TBC1D9: variants seen among roughly 807,000 people sequenced by gnomAD.
TBC1D9 encodes the protein TBC1 domain family member 9.
TBC1D9 carries 63 observed loss-of-function variants against 132.0 expected under a neutral mutation model. That is an observed-to-expected ratio of 0.48 (90% CI 0.39 to 0.59). TBC1D9 has a LOEUF of 0.59. TBC1D9 is among the 20% of genes least tolerant of loss of function. The probability of loss-of-function intolerance (pLI) is 0.00; values close to 1 mark genes in which losing one functional copy is unlikely to be tolerated. For synonymous variants in TBC1D9, 610 were observed against 609.9 expected (o/e 1.00, Z 0.00); for missense variants, 1,261 against 1,592.7 (o/e 0.79, Z 3.54).
intron 3 of TBC1D9, 30 bp downstream of exon 3, chr4:140,686,314 A>G: frequency 8.0e-7 from 1 of 1,251,154 alleles, no homozygotes; most frequent in South Asian, 1.3e-5. Flanking sequence ...AATTATTTCC[A>G]ATTAAAATGT....
At chr4:140,633,912 C>A in intron 16 of TBC1D9, 36 bp downstream of exon 16, 1 of 1,608,752 alleles carries the variant, frequency 6.2e-7, no homozygotes, top group South Asian at 1.1e-5. Flanking sequence ...ACTCCAGCAT[C>A]CCATCCCAAC....
chr4:140,658,231 A>C (rs747695361), intron 11 of TBC1D9, among the ~76,000 whole-genome samples: 4 of 152,204 alleles, frequency 2.6e-5, no homozygotes, highest in Non-Finnish European at 4.4e-5. Flanking sequence ...TCATGTGAAC[A>C]TCTTTGAGAG....
chr4:140,691,585 C>T (rs960165518), intron 2 of TBC1D9, among the ~76,000 whole-genome samples: 4 of 152,108 alleles, frequency 2.6e-5, no homozygotes, highest in Non-Finnish European at 4.4e-5. Flanking sequence ...CAAGCTGACC[C>T]GATTGTGTAA....
intron 1 of TBC1D9, among the ~76,000 whole-genome samples, chr4:140,707,815 C>T (rs970319365): frequency 1.3e-5 from 2 of 152,092 alleles, no homozygotes; most frequent in African/African-American, 4.8e-5. Flanking sequence ...GTCAAGGTCA[C>T]CTAATGCATG....
chr4:140,642,957 T>A, intron 13 of TBC1D9: 1 of 643,856 alleles, frequency 1.6e-6, no homozygotes, highest in South Asian at 2.0e-5. Flanking sequence ...CTTCTCCTTG[T>A]ACTGGTGCTG....
chr4:140,656,457 T>G (rs1737273712), intron 13 of TBC1D9, among the ~76,000 whole-genome samples: 1 of 152,164 alleles, frequency 6.6e-6, no homozygotes, highest in Non-Finnish European at 1.5e-5. Context: ...CTCATAATCT[T>G]CCTGCGCCCA....
intron 1 of TBC1D9, among the ~76,000 whole-genome samples, chr4:140,748,920 T>C (rs1738880111): frequency 6.6e-6 from 1 of 152,128 alleles, no homozygotes; most frequent in Non-Finnish European, 1.5e-5. Context: ...ACTTTAAAAA[T>C]AGTAATAACT....
At chr4:140,726,322 A>G (rs752537624) in intron 1 of TBC1D9, among the ~76,000 whole-genome samples, 4 of 152,298 alleles carry the variant, frequency 2.6e-5, no homozygotes, top group Middle Eastern at 3.4e-3. Flanking sequence ...TTTAAAAAGT[A>G]TATTTGTGCC....
At chr4:140,661,847 G>C in intron 10 of TBC1D9, 46 bp downstream of exon 10, 1 of 1,492,832 alleles carries the variant, frequency 6.7e-7, no homozygotes, top group Non-Finnish European at 9.2e-7. Flanking sequence ...CAAATGAATA[G>C]AAATTTTATT....
intron 1 of TBC1D9, among the ~76,000 whole-genome samples, chr4:140,746,774 T>C (rs745526388): frequency 8.5e-5 from 13 of 152,210 alleles, no homozygotes; most frequent in Non-Finnish European, 1.6e-4. Flanking sequence ...GATTCAATTA[T>C]TTCCACTGGG....
intron 1 of TBC1D9, among the ~76,000 whole-genome samples, chr4:140,749,449 G>A (rs1189965154): frequency 6.6e-6 from 1 of 152,060 alleles, no homozygotes; most frequent in Non-Finnish European, 1.5e-5. Flanking sequence ...CTTAATAAAA[G>A]AGCAGATTTA....
chr4:140,649,074 G>A (rs1737147411), intron 13 of TBC1D9, among the ~76,000 whole-genome samples: 1 of 152,190 alleles, frequency 6.6e-6, no homozygotes, highest in South Asian at 2.1e-4. Context: ...CTGACCACAA[G>A]GTCAAGCTCA....
rs1183340015 is a variant in TBC1D9, at chr4:140,641,949, A to G, written c.2338-2521T>C. On this transcript the variant is annotated intron_variant, in intron 13 of 20. Coordinates refer to ENST00000442267, the MANE Select transcript of TBC1D9 (RefSeq NM_015130.3). ...CACAGAAAGTATTTTGTGTTTGGAGATAGTAACCTTAGTCAAATGAATCTT... is the reference window on the plus strand; with the variant it reads ...CACAGAAAGTATTTTGTGTTTGGAGGTAGTAACCTTAGTCAAATGAATCTT... The G allele has an allele frequency of 7.8e-6, 4 of 514,268 alleles. No individual in the cohort carries two copies. In the East Asian group the frequency reaches 1.0e-4, roughly 13 times the overall value. The allele number at this position is 514,268 out of a possible 1,614,324, so 31.9% of individuals were successfully genotyped here. A position where few individuals can be genotyped will look rare whatever the true frequency, so the allele number is the denominator to read the frequency against.
chr4:140,679,484 A>G, intron 4 of TBC1D9, 131 bp downstream of exon 4: 1 of 709,778 alleles, frequency 1.4e-6, no homozygotes, highest in Non-Finnish European at 2.3e-6. Flanking sequence ...TCACTTCAGT[A>G]GTAAAAAAAA....
At chr4:140,738,434 C>T (rs1364690206) in intron 1 of TBC1D9, among the ~76,000 whole-genome samples, 1 of 152,072 alleles carries the variant, frequency 6.6e-6, no homozygotes, top group Non-Finnish European at 1.5e-5. Flanking sequence ...TAACCACTTG[C>T]TTCATTGCCT....
chr4:140,646,095 G>A (rs1457062035), intron 13 of TBC1D9, among the ~76,000 whole-genome samples: 1 of 152,206 alleles, frequency 6.6e-6, no homozygotes, highest in East Asian at 1.9e-4. Flanking sequence ...GCCGAGGACA[G>A]TGCTGATTCA....
rs188888953 is a variant in TBC1D9, at chr4:140,726,366, T to C, written c.131-24752A>G. ...ATACATTCTTTGTTGAGAACACTAA[T>C]AAATTATTAACCTCAAGAATTAGGG... On this transcript the variant is annotated intron_variant, in intron 1 of 20. Coordinates refer to ENST00000442267, the MANE Select transcript of TBC1D9 (RefSeq NM_015130.3). Among the ~76,000 whole-genome samples, 331 of 152,272 alleles carry C rather than the reference T, an allele frequency of 2.2e-3. 2 individuals are homozygous for C. The highest frequency in any genetic ancestry group is 7.6e-3 in the African/African-American group (315 of 41,552).
chr4:140,690,037 T>C (rs557558284), intron 2 of TBC1D9, among the ~76,000 whole-genome samples: 6 of 151,896 alleles, frequency 4.0e-5, no homozygotes, highest in African/African-American at 1.2e-4. Context: ...GCTTTATGCA[T>C]AAAGAAAGGA....
intron 1 of TBC1D9, among the ~76,000 whole-genome samples, chr4:140,714,251 C>T (rs57434730): frequency 0.02 from 3,012 of 152,254 alleles, 104 homozygotes; most frequent in African/African-American, 0.068. Context: ...GTGTTCAAGG[C>T]CTGAGGCAGT....
Sources: allele counts gnomAD v4.1 joint callset (sites outside exome capture counted in the v4.1 genomes callset), GRCh38; gene constraint gnomAD v4.1.1; transcripts MANE v1.5; gene names NCBI Gene and HGNC (gene_info 2026-07-23, HGNC 2026-07-21).